RAB27B: variants seen among roughly 807,000 people sequenced by gnomAD.
RAB27B encodes RAB27B, member RAS oncogene family.
Under a neutral mutation model 24.6 loss-of-function variants are expected in RAB27B, and 15 were observed. That is an observed-to-expected ratio of 0.61 (90% CI 0.41 to 0.94). RAB27B has a LOEUF of 0.94. RAB27B is among the 40% of genes least tolerant of loss of function. The pLI, the probability that RAB27B is intolerant of heterozygous loss-of-function variation, is 0.00. For synonymous variants in RAB27B, 105 were observed against 92.5 expected (o/e 1.14, Z -0.78); for missense variants, 261 against 266.8 (o/e 0.98, Z 0.15).
At chr18:54,765,483 C>A (rs546113734) in intron 2 of RAB27B, among the ~76,000 whole-genome samples, 1 of 152,180 alleles carries the variant, frequency 6.6e-6, no homozygotes. Context: ...AACCTTGTGC[C>A]AGGCACTTTG....
At chr18:54,873,880 G>A (rs4800978) in intron 1 of RAB27B, among the ~76,000 whole-genome samples, 137,463 of 152,182 alleles carry the variant, frequency 0.9, 63,730 homozygotes, top group East Asian at 1. Flanking sequence ...TTGGAAAAAT[G>A]AAGATTTTTC....
At chr18:54,812,643 A>C (rs1910002399) in intron 2 of RAB27B, among the ~76,000 whole-genome samples, 2 of 151,920 alleles carry the variant, frequency 1.3e-5, no homozygotes, top group South Asian at 4.2e-4. Flanking sequence ...AGAGTTTGGG[A>C]AATTTTAACC....
intron 2 of RAB27B, among the ~76,000 whole-genome samples, chr18:54,746,492 T>G (rs1445159428): frequency 2.0e-5 from 3 of 152,150 alleles, no homozygotes; most frequent in Non-Finnish European, 2.9e-5. Flanking sequence ...AAAAACAAAT[T>G]TGGCCTTATT....
At chr18:54,879,632 C>T in intron 3 of RAB27B, 178 bp downstream of exon 3, 1 of 583,508 alleles carries the variant, frequency 1.7e-6, no homozygotes, top group South Asian at 2.3e-5. Context: ...CACAGTAGCA[C>T]TGTGCAGTTG....
At chr18:54,719,848 C>T (rs940389520) in intron 2 of RAB27B, among the ~76,000 whole-genome samples, 7 of 151,934 alleles carry the variant, frequency 4.6e-5, no homozygotes, top group African/African-American at 1.7e-4. Flanking sequence ...TTGAAAATTC[C>T]TACCCATCAT....
At chr18:54,804,920 T>C (rs375648138) in intron 2 of RAB27B, among the ~76,000 whole-genome samples, 3 of 71,012 alleles carry the variant, frequency 4.2e-5, no homozygotes, top group Admixed American at 4.1e-4. Flanking sequence ...CTTTCTTTCT[T>C]TCTTTCTTTC....
chr18:54,778,853 T>TC (rs1598897662), intron 2 of RAB27B, among the ~76,000 whole-genome samples: 1 of 151,954 alleles, frequency 6.6e-6, no homozygotes, highest in African/African-American at 2.4e-5. Context: ...CCTTTTTTTT[T>TC]TTTTCTTAGA....
chr18:54,732,233 G>C (rs190376449), intron 2 of RAB27B, among the ~76,000 whole-genome samples: 1 of 152,302 alleles, frequency 6.6e-6, no homozygotes, highest in Admixed American at 6.5e-5. Flanking sequence ...TTTTCATTTA[G>C]AATGGATCAT....
upstream of RAB27B, among the ~76,000 whole-genome samples, chr18:54,827,336 C>G (rs1910507569): frequency 6.6e-6 from 1 of 152,194 alleles, no homozygotes; most frequent in South Asian, 2.1e-4. Context: ...GAAGTCAATT[C>G]TTCACAATAA....
At chr18:54,871,001 A>AGTTTCACATATT (rs1296742680) in intron 1 of RAB27B, among the ~76,000 whole-genome samples, 14 of 152,220 alleles carry the variant, frequency 9.2e-5, no homozygotes, top group Non-Finnish European at 1.5e-4. Flanking sequence ...GAATATTCAT[A>AGTTTCACATATT]TAGTTTCAAA....
chr18:54,821,179 T>G (rs1395064429), intron 2 of RAB27B, among the ~76,000 whole-genome samples: 5 of 152,154 alleles, frequency 3.3e-5, no homozygotes, highest in African/African-American at 9.7e-5. Context: ...ATAGGCAACT[T>G]CCACAAATTC....
intron 2 of RAB27B, among the ~76,000 whole-genome samples, chr18:54,802,408 T>C (rs1909639178): frequency 6.6e-6 from 1 of 151,312 alleles, no homozygotes; most frequent in South Asian, 2.1e-4. Flanking sequence ...TGCTCTTGTA[T>C]CTGGTATGTG....
chr18:54,725,195 T>C (rs1385037935), intron 2 of RAB27B, among the ~76,000 whole-genome samples: 1 of 151,478 alleles, frequency 6.6e-6, no homozygotes, highest in Admixed American at 6.6e-5. Context: ...AAAAGAAAAA[T>C]GGAAAGAGTG....
At chr18:54,758,701 G>T (rs1908085820) in intron 2 of RAB27B, among the ~76,000 whole-genome samples, 1 of 150,268 alleles carries the variant, frequency 6.7e-6, no homozygotes. Flanking sequence ...ACCAAGTTTT[G>T]CCAGGAATTC....
rs1392248725 is a variant in RAB27B, at chr18:54,893,656, T to G, written c.*4243T>G. On this transcript the variant is annotated 3_prime_UTR_variant, in exon 6 of 6. Coordinates refer to ENST00000262094, the MANE Select transcript of RAB27B (RefSeq NM_004163.4). ...GTCATTTCAATGCTTTATAAATCCATGAAGCTGCTTGTCTCATAAAGTAGA... is the reference window on the plus strand; with the variant it reads ...GTCATTTCAATGCTTTATAAATCCAGGAAGCTGCTTGTCTCATAAAGTAGA... 3.9e-5 allele frequency: 6 copies of G among 151,994 alleles called. No individual in the cohort carries two copies. Among genetic ancestry groups the G allele is most frequent in the Non-Finnish European group, 7.4e-5 (5 of 67,942 alleles). 9.4% of individuals were successfully genotyped at this position (151,994 alleles called of 1,614,324 possible). A position where few individuals can be genotyped will look rare whatever the true frequency, so the allele number is the denominator to read the frequency against.
chr18:54,737,097 T>G (rs1909919997), intron 2 of RAB27B, among the ~76,000 whole-genome samples: 1 of 152,016 alleles, frequency 6.6e-6, no homozygotes, highest in South Asian at 2.1e-4. Context: ...TCATTCACAA[T>G]TGCTCAAAAT....
intron 2 of RAB27B, among the ~76,000 whole-genome samples, chr18:54,744,217 G>A (rs2145016919): frequency 6.6e-6 from 1 of 152,242 alleles, no homozygotes; most frequent in East Asian, 1.9e-4. Context: ...TAGCAGATTT[G>A]GATGCTTAAT....
chr18:54,763,747 C>T lies in RAB27B; in HGVS notation c.-20+45606C>T, dbSNP rs137893842. Among the ~76,000 whole-genome samples the T allele has an allele frequency of 1.2e-3, 183 of 152,224 alleles. 3 individuals carry two copies. The highest frequency in any genetic ancestry group is 6.0e-3 in the East Asian group (31 of 5,186). On this transcript the variant is annotated intron_variant, in intron 2 of 4. Coordinates refer to the RAB27B transcript ENST00000586570. ...TTTATCCTTAAATCCCTGTGCCTTA[C>T]TTGTTTCTCCTCCCCTGGGCACATC...
chr18:54,867,462 T>C (rs1209388739), intron 1 of RAB27B, among the ~76,000 whole-genome samples: 40 of 148,112 alleles, frequency 2.7e-4, no homozygotes, highest in African/African-American at 9.5e-4. Context: ...TTTTTTTTTT[T>C]CTGAGATGGA....
Sources: gnomAD v4.1 joint callset for allele counts (sites outside exome capture counted in the v4.1 genomes callset) on GRCh38, gnomAD v4.1.1 for gene constraint, MANE v1.5 for transcripts, NCBI Gene and HGNC (gene_info 2026-07-23, HGNC 2026-07-21) for gene names.